ZNF354C: variants seen among roughly 807,000 people sequenced by gnomAD.
The protein encoded by ZNF354C is KRAB-zinc finger protein synten.
In ZNF354C, 7 loss-of-function variants were observed where a neutral mutation model predicts 12.4. That is an observed-to-expected ratio of 0.56 (90% CI 0.32 to 1.06). The LOEUF (loss-of-function observed/expected upper bound fraction) is 1.06. Ranked by LOEUF, ZNF354C falls within the 50% of genes least tolerant of loss-of-function variation. The pLI, the probability that ZNF354C is intolerant of heterozygous loss-of-function variation, is 0.04. For missense variants in ZNF354C, 609 were observed against 658.0 expected (o/e 0.93, Z 0.81); for synonymous variants, 202 against 224.5 (o/e 0.90, Z 0.90).
rs571062614 is a variant in ZNF354C, at chr5:179,082,816, G to C, written c.*2719G>C. On this transcript the variant is annotated 3_prime_UTR_variant, in exon 5 of 5. Transcript: ENST00000315475. ...ATGTTCTTCAAGCGACTGACCAACC[G>C]ATCAGGTCGAGGAGCTGCAACAGCC... The C allele has an allele frequency of 1.5e-6, 2 of 1,320,698 alleles. No homozygotes were observed. The highest frequency in any genetic ancestry group is 2.4e-5 in the South Asian group (2 of 85,040). The allele number at this position is 1,320,698 out of a possible 1,614,324, so 81.8% of individuals were successfully genotyped here.
In ZNF354C at chr5:179,078,663, A is replaced by G. The variant is rs754515504; in HGVS notation, c.251-20A>G. 6.4e-7 allele frequency: 1 copy of G among 1,562,988 alleles called. No homozygotes were observed. The highest frequency in any genetic ancestry group is 1.2e-5 in the South Asian group (1 of 82,384). ...GTTTCTTCCAGCAGAGGAGGCATTA[A>G]TTCTTCTGATTCATTTTAGGTTTCA... is the stretch of plus-strand genomic sequence containing the variant. On this transcript the variant is annotated intron_variant, in intron 4 of 4. Coordinates refer to ENST00000315475, the MANE Select transcript of ZNF354C (RefSeq NM_014594.3).
chr5:179,081,893 T>C lies in ZNF354C; in HGVS notation c.*1796T>C, dbSNP rs1762231193. The stretch of plus-strand genomic sequence containing the variant: ...ATGTCAGAAGGGAACAGGCGCCAAG[T>C]TGAAGGTATTCTCACTGGCCAAATT... On this transcript the variant is annotated 3_prime_UTR_variant, in exon 5 of 5. Coordinates refer to ENST00000315475, the MANE Select transcript of ZNF354C (RefSeq NM_014594.3). 1 of 152,212 alleles carries C rather than the reference T, an allele frequency of 6.6e-6. No individual in the cohort carries two copies. The highest frequency in any genetic ancestry group is 2.4e-5 in the African/African-American group (1 of 41,448). The allele number at this position is 152,212 out of a possible 1,614,324, so 9.4% of individuals were successfully genotyped here. A position where few individuals can be genotyped will look rare whatever the true frequency, so the allele number is the denominator to read the frequency against.
At chr5:179,061,188 C>T (rs1403338802) in intron 1 of ZNF354C, among the ~76,000 whole-genome samples, 1 of 152,230 alleles carries the variant, frequency 6.6e-6, no homozygotes, top group East Asian at 1.9e-4. Flanking sequence ...CAGGTTGGCT[C>T]CATGCTAGGG....
In ZNF354C at chr5:179,076,509, C is replaced by T. The variant is rs1214107547; in HGVS notation, c.92C>T (p.Ser31Phe). 1 of 1,614,214 alleles carries T rather than the reference C, an allele frequency of 6.2e-7. No homozygotes were observed. The highest frequency in any genetic ancestry group is 8.5e-7 in the Non-Finnish European group (1 of 1,180,044). ...CAGGACGAGTGGTTGCACCTGGACT[C>T]TGCCCAGAGGGCCTTGTACCGGGAG... ...FSQDEWLHLD[S>F]AQRALYREVM... The change falls in exon 3 of 5, where the codon TCT becomes TTT. Residue 31 changes from serine (S) to phenylalanine (F), a missense_variant. By Grantham distance (155) the Ser-to-Phe change is radical. Coordinates refer to ENST00000315475, the MANE Select transcript of ZNF354C (RefSeq NM_014594.3).
intron 2 of ZNF354C, among the ~76,000 whole-genome samples, chr5:179,069,561 C>CA (rs761235131): frequency 0.076 from 5,858 of 77,472 alleles, 408 homozygotes; most frequent in African/African-American, 0.21. Flanking sequence ...GACTCCATCT[C>CA]AAAAAAAAAA....
chr5:179,079,675 A>G lies in ZNF354C; in HGVS notation c.1243A>G (p.Asn415Asp). The part of the protein sequence containing the change: ...IHTGQKPYQC[N>D]ECEKAFNQYS... ...CACTGGACAAAAACCTTATCAGTGCAACGAATGTGAGAAAGCCTTCAACCA... is the reference window on the plus strand; with the variant it reads ...CACTGGACAAAAACCTTATCAGTGCGACGAATGTGAGAAAGCCTTCAACCA... Residue 415 changes from asparagine (N) to aspartate (D), a missense_variant, in exon 5 of 5, where the codon AAC becomes GAC. Coordinates refer to ENST00000315475, the MANE Select transcript of ZNF354C (RefSeq NM_014594.3). The surrounding 1 kb of genome is among the most constrained non-coding windows in gnomAD (Gnocchi z 4.2). 2 of 1,614,216 alleles carry G rather than the reference A, an allele frequency of 1.2e-6. No individual in the cohort carries two copies. Among genetic ancestry groups the G allele is most frequent in the Non-Finnish European group, 1.7e-6 (2 of 1,180,026 alleles).
In ZNF354C at chr5:179,060,811, A is replaced by G. The variant is rs528039965; in HGVS notation, c.-55+145A>G. 6.6e-6 allele frequency: 1 copy of G among 152,350 alleles called. No individual in the cohort carries two copies. The highest frequency in any genetic ancestry group is 2.1e-4 in the South Asian group (1 of 4,818). The allele number at this position is 152,350 out of a possible 1,614,324, so 9.4% of individuals were successfully genotyped here. ...TGCCCGCCGAGAGCGCTCGGGTGCC[A>G]GGCACCAGACTAGCGCATCGCCCGA... On this transcript the variant is annotated intron_variant, in intron 1 of 4. Transcript: ENST00000315475. The surrounding 1 kb of genome is among the most constrained non-coding windows in gnomAD (Gnocchi z 4.2).
In ZNF354C at chr5:179,078,927, GGGGAAAAGC is replaced by G. The variant is rs1365831675; in HGVS notation, c.496_504del (p.Gly166_Ser168del). On this transcript the variant is annotated inframe_deletion, in exon 5 of 5. Transcript: ENST00000315475. ...ATGGAAACCATACAAGTCTTGAATTGGGGAAAAGCTTATTTACAAATACAGCTCTTGTCA... is the reference window on the plus strand; with the variant it reads ...ATGGAAACCATACAAGTCTTGAATTGTTATTTACAAATACAGCTCTTGTCA... 33 of 1,613,990 alleles carry G rather than the reference GGGGAAAAGC, an allele frequency of 2.0e-5. No individual in the cohort carries two copies. Among genetic ancestry groups the G allele is most frequent in the Non-Finnish European group, 2.6e-5 (31 of 1,180,014 alleles).
chr5:179,073,966 T>C (rs1656483281), intron 2 of ZNF354C, among the ~76,000 whole-genome samples: 1 of 151,644 alleles, frequency 6.6e-6, no homozygotes, highest in African/African-American at 2.4e-5. Context: ...CATCAGCTTG[T>C]GTAAGTTTTT....
chr5:179,065,404 T>C (rs1761946290), intron 2 of ZNF354C, among the ~76,000 whole-genome samples: 1 of 151,930 alleles, frequency 6.6e-6, no homozygotes, highest in Non-Finnish European at 1.5e-5. Flanking sequence ...AGGTTGTTTT[T>C]TGTTTTTGTT....
At chr5:179,075,914 TGCA>T (rs1348655605) in intron 2 of ZNF354C, among the ~76,000 whole-genome samples, 1 of 152,256 alleles carries the variant, frequency 6.6e-6, no homozygotes, top group African/African-American at 2.4e-5. Flanking sequence ...TTACTACAAA[TGCA>T]GCATCTTGAA....
rs1490904947 is a variant in ZNF354C, at chr5:179,072,519, G to A, written c.28-3926G>A. ...ACAAACTATATTAAAAGGAAATAAT[G>A]GCCTAAAATTTATCAAATTTGGTAA... is the stretch of plus-strand genomic sequence containing the variant. On this transcript the variant is annotated intron_variant, in intron 2 of 4. Transcript: ENST00000315475. Among the ~76,000 whole-genome samples, 8 of 152,032 alleles carry A rather than the reference G, an allele frequency of 5.3e-5. No individual in the cohort carries two copies. In the East Asian group the frequency reaches 5.8e-4, roughly 11 times the overall value.
At chr5:179,071,349 A>G (rs893088042) in intron 2 of ZNF354C, among the ~76,000 whole-genome samples, 3 of 149,056 alleles carry the variant, frequency 2.0e-5, no homozygotes, top group African/African-American at 7.4e-5. Flanking sequence ...CTTAATATTT[A>G]ATGACTTTGC....
At chr5:179,070,215 G>A (rs948645109) in intron 2 of ZNF354C, among the ~76,000 whole-genome samples, 5 of 152,140 alleles carry the variant, frequency 3.3e-5, no homozygotes, top group African/African-American at 1.2e-4. Flanking sequence ...CTCCTTATGA[G>A]AATCTAATGC....
Position 179,079,361 on chromosome 5 carries a change from G to A in ZNF354C, c.929G>A (p.Ser310Asn). The A allele has an allele frequency of 6.2e-7, 1 of 1,614,118 alleles. No homozygotes were observed. The highest frequency in any genetic ancestry group is 2.2e-5 in the East Asian group (1 of 44,866). The change falls in exon 5 of 5, where the codon AGC becomes AAC. Residue 310 changes from serine (S) to asparagine (N), a missense_variant. By Grantham distance (46) the Ser-to-Asn change is conservative. Transcript: ENST00000315475. This position sits in a 1 kb window ranked among gnomAD's most constrained non-coding sequence, Gnocchi z 4.2. ...YRCRECGKAF[S>N]QCSTLTVHQR... ...TGTAGGGAATGTGGTAAAGCCTTTAGCCAGTGTTCAACCCTCACTGTACAT... is the reference window on the plus strand; with the variant it reads ...TGTAGGGAATGTGGTAAAGCCTTTAACCAGTGTTCAACCCTCACTGTACAT...
chr5:179,073,211 T>C (rs1349536610), intron 2 of ZNF354C, among the ~76,000 whole-genome samples: 2 of 152,234 alleles, frequency 1.3e-5, no homozygotes, highest in Middle Eastern at 3.4e-3. Context: ...AGAATCAAGA[T>C]GAAATAAAGC....
At chr5:179,066,243 A>G (rs754944786) in intron 2 of ZNF354C, among the ~76,000 whole-genome samples, 1 of 152,254 alleles carries the variant, frequency 6.6e-6, no homozygotes, top group Non-Finnish European at 1.5e-5. Context: ...GTCCACCTTC[A>G]AATAACATAC....
intron 2 of ZNF354C, among the ~76,000 whole-genome samples, chr5:179,062,484 A>G (rs921427905): frequency 6.6e-6 from 1 of 152,192 alleles, no homozygotes; most frequent in African/African-American, 2.4e-5. Flanking sequence ...ATTGAGCCCT[A>G]TGTACAGGAT....
chr5:179,083,944 C>CG lies in ZNF354C; in HGVS notation c.*3847_*3848insG, dbSNP rs1561754308. Among the ~76,000 whole-genome samples, 1 of 74,258 alleles carries CG rather than the reference C, an allele frequency of 1.3e-5. No individual in the cohort carries two copies. Among genetic ancestry groups the CG allele is most frequent in the Non-Finnish European group, 2.6e-5 (1 of 37,838 alleles). 48.7% of individuals were successfully genotyped at this position (74,258 alleles called of 152,430 possible). A position where few individuals can be genotyped will look rare whatever the true frequency, so the allele number is the denominator to read the frequency against. ...TAGGAGACTCCCCATTGCTTTTCTT[C>CG]CCTATCTATCTTCCTGCTACTTGGA... On this transcript the variant is annotated 3_prime_UTR_variant, in exon 5 of 5. Transcript: ENST00000315475.
Sources: allele counts gnomAD v4.1 joint callset (sites outside exome capture counted in the v4.1 genomes callset), GRCh38; gene constraint gnomAD v4.1.1; non-coding constraint Gnocchi (gnomAD v3.1); transcripts MANE v1.5; gene names NCBI Gene and HGNC (gene_info 2026-07-23, HGNC 2026-07-21).